The following CYCS variants were observed in gnomAD, a reference collection of about 807,000 sequenced individuals.
CYCS encodes cytochrome c, somatic, also known as cytochrome c.
For missense variants in CYCS, 87 were observed against 125.3 expected (o/e 0.69, Z 1.46); for synonymous variants, 41 against 43.0 (o/e 0.95, Z 0.18).
In CYCS at chr7:25,122,513, G is replaced by A. The variant is rs1334686294; in HGVS notation, c.*1188C>T. The A allele has an allele frequency of 6.6e-6, 1 of 152,192 alleles. No individual in the cohort carries two copies. Among genetic ancestry groups the A allele is most frequent in the Non-Finnish European group, 1.5e-5 (1 of 68,038 alleles). The allele number at this position is 152,192 out of a possible 1,614,324, so 9.4% of individuals were successfully genotyped here. ...GACTACTCTAAATGTGTATGGCACA[G>A]ACTATGCATGAAATAATTCAGTATG... On this transcript the variant is annotated 3_prime_UTR_variant, in exon 3 of 3. Transcript: ENST00000305786.
chr7:25,125,118 G>C (rs1325676855), intron 1 of CYCS, 82 bp downstream of exon 1: 1 of 150,440 alleles, frequency 6.6e-6, no homozygotes, highest in Non-Finnish European at 1.5e-5. Context: ...AATGCTCCCC[G>C]CTTGGGTTTC....
rs11548815 is a variant in CYCS at position 25,124,059 on chromosome 7, C to T, written c.61G>A (p.Val21Ile). Residue 21 changes from valine to isoleucine, a missense_variant, in exon 2 of 3, where the codon GTT becomes ATT. By Grantham distance (29) the Val-to-Ile change is conservative. Transcript: ENST00000305786. The stretch of plus-strand genomic sequence containing the variant: ...GTCTTGTGCTTGCCTCCCTTTTCAA[C>T]GGTGTGGCACTGGGAACACTTCATA... ...FIMKCSQCHT[V>I]EKGGKHKTGP... The T allele has an allele frequency of 1.2e-6, 2 of 1,613,782 alleles. No homozygotes were observed. The highest frequency in any genetic ancestry group is 1.7e-6 in the Non-Finnish European group (2 of 1,179,732).
Position 25,122,279 on chromosome 7 carries a change from AAAAAT to A in CYCS, c.*1417_*1421del, listed in dbSNP as rs1293929911. On this transcript the variant is annotated 3_prime_UTR_variant, in exon 3 of 3. Transcript: ENST00000305786. ...GCAAGCTTTCCACATTTCTATAAATAAAAATAAGACTCATATGTTATAAATTGCTT... is the reference window on the plus strand; with the variant it reads ...GCAAGCTTTCCACATTTCTATAAATAAAGACTCATATGTTATAAATTGCTT... 3.9e-5 allele frequency: 6 copies of A among 152,236 alleles called. No individual in the cohort carries two copies. Among genetic ancestry groups the A allele is most frequent in the Admixed American group, 6.5e-5 (1 of 15,284 alleles). 9.4% of individuals were successfully genotyped at this position (152,236 alleles called of 1,614,324 possible). A position where few individuals can be genotyped will look rare whatever the true frequency, so the allele number is the denominator to read the frequency against.
chr7:25,124,994 A>T (rs947605577), intron 1 of CYCS: 2 of 151,826 alleles, frequency 1.3e-5, no homozygotes, highest in Admixed American at 6.6e-5. Flanking sequence ...CCGAGACCAT[A>T]CCTGTCCCTA....
In CYCS at chr7:25,119,850, C is replaced by T. The variant is rs1177412363; in HGVS notation, c.*3851G>A. Among the ~76,000 whole-genome samples the T allele has an allele frequency of 6.6e-6, 1 of 152,092 alleles. No individual in the cohort carries two copies. The highest frequency in any genetic ancestry group is 2.4e-5 in the African/African-American group (1 of 41,404). On this transcript the variant is annotated 3_prime_UTR_variant, in exon 3 of 3. Transcript: ENST00000305786. ...GACAGCCATGTGGATTCTATCACAC[C>T]CTTTATAATTTACAGCAATCTTCAG... is the stretch of plus-strand genomic sequence containing the variant.
At position 25,123,074 on chromosome 7, in the gene CYCS, TG is replaced by T; in HGVS notation, c.*626del. ...AACTTGCTACTATTTTAAAAGCATGTGACCTTATAGATCTGTAAGATGTGAG... is the reference window on the plus strand; with the variant it reads ...AACTTGCTACTATTTTAAAAGCATGTACCTTATAGATCTGTAAGATGTGAG... On this transcript the variant is annotated 3_prime_UTR_variant, in exon 3 of 3. Transcript: ENST00000305786. The T allele has an allele frequency of 6.5e-6, 1 of 153,504 alleles. No individual in the cohort carries two copies. The highest frequency in any genetic ancestry group is 1.5e-5 in the Non-Finnish European group (1 of 68,812). 9.5% of individuals were successfully genotyped at this position (153,504 alleles called of 1,614,324 possible). A position where few individuals can be genotyped will look rare whatever the true frequency, so the allele number is the denominator to read the frequency against.
In CYCS at chr7:25,119,835, T is replaced by C. The variant is rs939826679; in HGVS notation, c.*3866A>G. Among the ~76,000 whole-genome samples, 1 of 152,226 alleles carries C rather than the reference T, an allele frequency of 6.6e-6. No individual in the cohort carries two copies. Among genetic ancestry groups the C allele is most frequent in the African/African-American group, 2.4e-5 (1 of 41,454 alleles). ...TAAGATCTCCTTCTTGACAGCCATG[T>C]GGATTCTATCACACCCTTTATAATT... On this transcript the variant is annotated 3_prime_UTR_variant, in exon 3 of 3. Coordinates refer to ENST00000305786, the MANE Select transcript of CYCS (RefSeq NM_018947.6).
In CYCS at chr7:25,121,685, T is replaced by C. The variant is rs1219291451; in HGVS notation, c.*2016A>G. On this transcript the variant is annotated 3_prime_UTR_variant, in exon 3 of 3. Coordinates refer to ENST00000305786, the MANE Select transcript of CYCS (RefSeq NM_018947.6). ...GGCTCACGCCTGTAATCCCAGCACTTTGGGGAGCCAAGGCAAGTGGACGGA... is the reference window on the plus strand; with the variant it reads ...GGCTCACGCCTGTAATCCCAGCACTCTGGGGAGCCAAGGCAAGTGGACGGA... The C allele has an allele frequency of 1.3e-5, 2 of 152,222 alleles. No individual in the cohort carries two copies. The highest frequency in any genetic ancestry group is 6.5e-5 in the Admixed American group (1 of 15,272). 9.4% of individuals were successfully genotyped at this position (152,222 alleles called of 1,614,324 possible). A position where few individuals can be genotyped will look rare whatever the true frequency, so the allele number is the denominator to read the frequency against.
In CYCS at chr7:25,123,704, C is replaced by G; in HGVS notation, c.315G>C (p.Glu105Asp). 3 of 1,599,902 alleles carry G rather than the reference C, an allele frequency of 1.9e-6. No individual in the cohort carries two copies. Among genetic ancestry groups the G allele is most frequent in the Non-Finnish European group, 2.5e-6 (3 of 1,179,790 alleles). Residue 105 changes from glutamate to aspartate, a missense_variant, in exon 3 of 3, where the codon GAG (glutamate) becomes GAC (aspartate). Glu to Asp is a conservative substitution (Grantham distance 45). Transcript: ENST00000305786. ...TAAATAAGGCAGTGGCCAATTATTA[C>G]TCATTAGTAGCTTTTTTGAGATAAG... Reference protein sequence around the residue: ...LIAYLKKATNE With the variant: ...LIAYLKKATND
At chr7:25,124,283 A>G (rs1190442693) in intron 1 of CYCS, among the ~76,000 whole-genome samples, 156 bp from the exon 2 acceptor site, 1 of 152,146 alleles carries the variant, frequency 6.6e-6, no homozygotes, top group African/African-American at 2.4e-5. Flanking sequence ...TCTTTATACC[A>G]AATATTCTTT....
Position 25,123,348 on chromosome 7 carries a change from T to A in CYCS, c.*353A>T. 3.2e-6 allele frequency: 1 copy of A among 310,342 alleles called. No homozygotes were observed. The highest frequency in any genetic ancestry group is 3.0e-5 in the South Asian group (1 of 33,598). 19.2% of individuals were successfully genotyped at this position (310,342 alleles called of 1,614,324 possible). On this transcript the variant is annotated 3_prime_UTR_variant, in exon 3 of 3. Transcript: ENST00000305786. ...GCAATTTCCCCAGTATTTAAATATA[T>A]TCACATAACCAGTTATATAAATCTA...
intron 1 of CYCS, among the ~76,000 whole-genome samples, chr7:25,124,482 G>A (rs1319386233): frequency 6.6e-6 from 1 of 152,250 alleles, no homozygotes; most frequent in African/African-American, 2.4e-5. Flanking sequence ...CACCACAACC[G>A]CAACTTTTAA....
chr7:25,122,709 G>A lies in CYCS; in HGVS notation c.*992C>T, dbSNP rs1783382347. ...AACCAAGTAAACAATCTAGCACCAT[G>A]ACTGGTTAACACTGCTGCACTGACA... On this transcript the variant is annotated 3_prime_UTR_variant, in exon 3 of 3. Coordinates refer to ENST00000305786, the MANE Select transcript of CYCS (RefSeq NM_018947.6). 1 of 152,202 alleles carries A rather than the reference G, an allele frequency of 6.6e-6. No homozygotes were observed. Among genetic ancestry groups the A allele is most frequent in the South Asian group, 2.1e-4 (1 of 4,832 alleles). The allele number at this position is 152,202 out of a possible 1,614,324, so 9.4% of individuals were successfully genotyped here.
chr7:25,123,892 GT>G (rs1783400353), intron 2 of CYCS, 43 bp from the exon 3 acceptor site: 1 of 1,613,962 alleles, frequency 6.2e-7, no homozygotes, highest in African/African-American at 1.3e-5. Flanking sequence ...ACTCCTGATA[GT>G]TTGCCACATG....
In CYCS at chr7:25,119,491, GTCTCAAGC is replaced by G. The variant is rs1285055604; in HGVS notation, c.*4202_*4209del. Among the ~76,000 whole-genome samples the G allele has an allele frequency of 6.6e-6, 1 of 152,028 alleles. No individual in the cohort carries two copies. The highest frequency in any genetic ancestry group is 2.4e-5 in the African/African-American group (1 of 41,368). On this transcript the variant is annotated 3_prime_UTR_variant, in exon 3 of 3. Transcript: ENST00000305786. ...GGGTTTCACCATGTTGGCCAGGCTG[GTCTCAAGC>G]TCCTGACCTCAGGTGATCTGCCTGC...
intron 2 of CYCS, 22 bp from the exon 3 acceptor site, chr7:25,123,871 G>A (rs776879837): frequency 6.2e-6 from 10 of 1,613,944 alleles, no homozygotes; most frequent in African/African-American, 1.3e-5. Context: ...AGAATGCATC[G>A]GTTATTTCAC....
rs1783357060 is a variant in CYCS at position 25,121,173 on chromosome 7, G to A, written c.*2528C>T. 1 of 152,112 alleles carries A rather than the reference G, an allele frequency of 6.6e-6. No homozygotes were observed. Among genetic ancestry groups the A allele is most frequent in the Non-Finnish European group, 1.5e-5 (1 of 68,038 alleles). 9.4% of individuals were successfully genotyped at this position (152,112 alleles called of 1,614,324 possible). A position where few individuals can be genotyped will look rare whatever the true frequency, so the allele number is the denominator to read the frequency against. On this transcript the variant is annotated 3_prime_UTR_variant, in exon 3 of 3. Coordinates refer to ENST00000305786, the MANE Select transcript of CYCS (RefSeq NM_018947.6). ...AGAATCACATTTTAAACCACCAGAAGTGCTTGGGTATAACTGACCTAGAAC... is the reference window on the plus strand; with the variant it reads ...AGAATCACATTTTAAACCACCAGAAATGCTTGGGTATAACTGACCTAGAAC...
At position 25,119,579 on chromosome 7, in the gene CYCS, T is replaced by C. The variant is rs1783327173; in HGVS notation, c.*4122A>G. 9.3e-6 allele frequency among the ~76,000 whole-genome samples: 1 copy of C among 106,998 alleles called. No homozygotes were observed. The highest frequency in any genetic ancestry group is 2.0e-5 in the Non-Finnish European group (1 of 49,548). The allele number at this position is 106,998 out of a possible 152,430, so 70.2% of individuals were successfully genotyped here. On this transcript the variant is annotated 3_prime_UTR_variant, in exon 3 of 3. Coordinates refer to ENST00000305786, the MANE Select transcript of CYCS (RefSeq NM_018947.6). ...GCATGACCTACTGCACCCAGACCAC[T>C]TTTTTTTTTTTTAAAAGAGATGGAG...
Position 25,119,678 on chromosome 7 carries a change from C to A in CYCS, c.*4023G>T, listed in dbSNP as rs1783328847. The stretch of plus-strand genomic sequence containing the variant: ...TACACTGCAGCCTCGAACTTCTGGG[C>A]ACAAGCAGTCCTCCTGCCTCAGAGT... On this transcript the variant is annotated 3_prime_UTR_variant, in exon 3 of 3. Coordinates refer to ENST00000305786, the MANE Select transcript of CYCS (RefSeq NM_018947.6). Among the ~76,000 whole-genome samples, 1 of 152,020 alleles carries A rather than the reference C, an allele frequency of 6.6e-6. No homozygotes were observed. Among genetic ancestry groups the A allele is most frequent in the African/African-American group, 2.4e-5 (1 of 41,352 alleles).
Sources: allele counts gnomAD v4.1 joint callset (sites outside exome capture counted in the v4.1 genomes callset), GRCh38; gene constraint gnomAD v4.1.1; transcripts MANE v1.5; gene names NCBI Gene and HGNC (gene_info 2026-07-23, HGNC 2026-07-21).